DIAPH2: variants seen among roughly 807,000 people sequenced by gnomAD.
DIAPH2 encodes the protein diaphanous related formin 2.
In DIAPH2, 35 loss-of-function variants were observed where a neutral mutation model predicts 92.7. That is an observed-to-expected ratio of 0.38 (90% CI 0.29 to 0.50). The LOEUF (loss-of-function observed/expected upper bound fraction) is 0.50. Among genes scored for constraint, DIAPH2 ranks in the 20% least tolerant of loss-of-function variants. The pLI is 0.94. For synonymous variants in DIAPH2, 301 were observed against 280.4 expected (o/e 1.07, Z -0.73); for missense variants, 701 against 819.5 (o/e 0.86, Z 1.77).
intron 17 of DIAPH2, among the ~76,000 whole-genome samples, chrX:97,023,504 A>C (rs2066311742): frequency 9.0e-6 from 1 of 111,692 alleles, no homozygotes; most frequent in Non-Finnish European, 1.9e-5. Flanking sequence ...TCGAAGCGTA[A>C]AGAGCTTAAG....
chrX:97,557,336 C>T (rs1816370290), intron 26 of DIAPH2, among the ~76,000 whole-genome samples: 1 of 111,455 alleles, frequency 9.0e-6, no homozygotes, highest in East Asian at 2.8e-4. Flanking sequence ...GTCAGGAGTT[C>T]AAGACCAGCC....
chrX:97,094,935 T>G (rs1287865505), intron 19 of DIAPH2, among the ~76,000 whole-genome samples: 1 of 109,954 alleles, frequency 9.1e-6, no homozygotes, highest in African/African-American at 3.3e-5. Flanking sequence ...ACACATGATT[T>G]AAGAACAGTA....
At chrX:97,246,669 T>A (rs1276115948) in intron 22 of DIAPH2, among the ~76,000 whole-genome samples, 3 of 112,360 alleles carry the variant, frequency 2.7e-5, no homozygotes, top group Non-Finnish European at 3.8e-5. Context: ...TCTCTTAAAT[T>A]TTTCATTGTA....
chrX:97,241,839 G>A (rs952435292), intron 22 of DIAPH2, among the ~76,000 whole-genome samples: 4 of 92,801 alleles, frequency 4.3e-5, no homozygotes, highest in African/African-American at 8.3e-5. Context: ...GCAGTGGCGC[G>A]ATCTAGGCTC....
At chrX:96,715,516 G>A (rs1430664319) in intron 1 of DIAPH2, among the ~76,000 whole-genome samples, 4 of 111,631 alleles carry the variant, frequency 3.6e-5, no homozygotes, top group African/African-American at 1.3e-4. Context: ...CACTCTTTAT[G>A]GCTGGATTAT....
intron 19 of DIAPH2, among the ~76,000 whole-genome samples, chrX:97,096,872 A>G (rs1012352070): frequency 3.6e-5 from 4 of 111,005 alleles, no homozygotes. Context: ...TCACTGGACT[A>G]ATCTTGTCTG....
chrX:97,171,792 C>T (rs922197650), intron 22 of DIAPH2, among the ~76,000 whole-genome samples: 1 of 110,725 alleles, frequency 9.0e-6, no homozygotes. Flanking sequence ...TACAAAAAAT[C>T]AGCCAGGCGT....
chrX:96,817,039 A>C (rs1207924635), intron 4 of DIAPH2, among the ~76,000 whole-genome samples: 2 of 111,396 alleles, frequency 1.8e-5, no homozygotes, highest in African/African-American at 6.5e-5. Context: ...ATTTGGACTC[A>C]AGGATATGGA....
rs985060018 is a variant in DIAPH2, at chrX:96,703,354, A to G, written c.132+18164A>G. Among the ~76,000 whole-genome samples the G allele has an allele frequency of 1.2e-4, 13 of 112,174 alleles. No homozygotes were observed. In the Admixed American group the frequency reaches 1.2e-3, roughly 11 times the overall value. ...GGTAATTGGCCTGTTTGTAGTATAA[A>G]TATAAAGATATTTATTAATTCTGAT... On this transcript the variant is annotated intron_variant, in intron 1 of 26. Transcript: ENST00000324765.
chrX:96,939,619 TACACAC>T (rs763279889), intron 12 of DIAPH2, among the ~76,000 whole-genome samples: 4 of 57,622 alleles, frequency 6.9e-5, no homozygotes, highest in African/African-American at 2.6e-4. Flanking sequence ...CACACACATA[TACACAC>T]ACACACACAC....
chrX:97,277,854 T>C (rs1442892350), intron 23 of DIAPH2, among the ~76,000 whole-genome samples: 1 of 112,205 alleles, frequency 8.9e-6, no homozygotes, highest in Non-Finnish European at 1.9e-5. Flanking sequence ...TTAAGGGCCA[T>C]GTTTCTTTAT....
At chrX:96,991,341 C>T (rs936111569) in intron 17 of DIAPH2, among the ~76,000 whole-genome samples, 17 of 110,116 alleles carry the variant, frequency 1.5e-4, no homozygotes, top group African/African-American at 5.6e-4. Context: ...TGGTCTCAAA[C>T]TCCTGACCTC....
At chrX:97,314,245 CAAAAA>C (rs1277986455) in intron 23 of DIAPH2, among the ~76,000 whole-genome samples, 1 of 48,260 alleles carries the variant, frequency 2.1e-5, no homozygotes. Flanking sequence ...CCTGTCTCTA[CAAAAA>C]AAAAAAAAAA....
chrX:96,955,222 T>A (rs1167246963), intron 15 of DIAPH2, among the ~76,000 whole-genome samples: 1 of 111,597 alleles, frequency 9.0e-6, no homozygotes, highest in Non-Finnish European at 1.9e-5. Context: ...CTTCTTCACA[T>A]GGCAGCAGCA....
At chrX:97,449,606 A>G (rs968289985) in intron 26 of DIAPH2, 1 of 608,691 alleles carries the variant, frequency 1.6e-6, no homozygotes, top group African/African-American at 2.5e-5. Context: ...GGAGGAAGGT[A>G]GTATTTTCAA....
At chrX:97,349,010 GTATATATATGTGTATATATATGTGTGTA>G (rs1466682458) in intron 24 of DIAPH2, among the ~76,000 whole-genome samples, 1 of 105,187 alleles carries the variant, frequency 9.5e-6, no homozygotes, top group Non-Finnish European at 1.9e-5. Flanking sequence ...ATATGTGTGT[GTATATATATGTGTATATATATGTGTGTA>G]TATATATGTG....
At chrX:96,923,409 C>G (rs1399141366) in intron 9 of DIAPH2, among the ~76,000 whole-genome samples, 2 of 111,593 alleles carry the variant, frequency 1.8e-5, no homozygotes, top group Non-Finnish European at 3.8e-5. Context: ...TAGATTTGTC[C>G]TTTGGAATAC....
At chrX:97,071,968 A>C (rs912450346) in intron 17 of DIAPH2, among the ~76,000 whole-genome samples, 1 of 111,822 alleles carries the variant, frequency 8.9e-6, no homozygotes, top group Non-Finnish European at 1.9e-5. Context: ...CAAGGACCTA[A>C]CACTCTACTT....
At chrX:96,781,973 G>A (rs1425536456) in intron 4 of DIAPH2, among the ~76,000 whole-genome samples, 2 of 112,064 alleles carry the variant, frequency 1.8e-5, no homozygotes, top group African/African-American at 6.5e-5. Flanking sequence ...TGAAAGAAGT[G>A]TAGAAATCAT....
Sources: gnomAD v4.1 joint callset for allele counts (sites outside exome capture counted in the v4.1 genomes callset) on GRCh38, gnomAD v4.1.1 for gene constraint, MANE v1.5 for transcripts, NCBI Gene and HGNC (gene_info 2026-07-23, HGNC 2026-07-21) for gene names.